TASOR2: variants seen among roughly 807,000 people sequenced by gnomAD.
TASOR2 encodes the protein transcription activation suppressor family member 2.
Under a neutral mutation model 199.5 loss-of-function variants are expected in TASOR2, and 84 were observed. The observed-to-expected ratio is 0.42, with a 90% CI of 0.35 to 0.50. The LOEUF (loss-of-function observed/expected upper bound fraction) is 0.50. TASOR2 is among the 20% of genes least tolerant of loss of function. The pLI, the probability that TASOR2 is intolerant of heterozygous loss-of-function variation, is 0.02. For missense variants in TASOR2, 2,796 were observed against 2,835.9 expected, an observed-to-expected ratio of 0.99 and a Z score of 0.32; for synonymous variants, 1,103 against 1,046.6, an observed-to-expected ratio of 1.05 and a Z score of -1.04.
At position 5,740,034 on chromosome 10, in the gene TASOR2, C is replaced by G; in HGVS notation, c.1864C>G (p.Pro622Ala). 2 of 1,614,066 alleles carry G rather than the reference C, an allele frequency of 1.2e-6. No individual in the cohort carries two copies. The highest frequency in any genetic ancestry group is 1.7e-6 in the Non-Finnish European group (2 of 1,180,048). Residue 622 changes from proline (P) to alanine (A), a missense_variant, in exon 13 of 21, where the codon CCT becomes GCT. Physicochemically the swap from Pro to Ala is conservative, Grantham distance 27. This residue lies in a region of TASOR2 where 847 missense variants were observed against 887.4 expected (regional missense o/e 0.95). Coordinates refer to ENST00000328090, the Ensembl canonical transcript of TASOR2. The surrounding 1 kb of genome is among the most constrained non-coding windows in gnomAD (Gnocchi z 5.3). The stretch of plus-strand genomic sequence containing the variant: ...TAGCCAAGATGAAGAAAGCTTGGTT[C>G]CTTGTAGTCAGGCCCCTGCTAAAGC...
At chr10:5,761,672 TGTAA>T (rs998410538) in intron 19 of TASOR2, 1 of 571,456 alleles carries the variant, frequency 1.7e-6, no homozygotes, top group Non-Finnish European at 3.1e-6. Context: ...CTCCTATGTA[TGTAA>T]GTCAGTTCTA....
At chr10:5,734,503 G>C (rs1835280531) in intron 11 of TASOR2, among the ~76,000 whole-genome samples, 1 of 152,160 alleles carries the variant, frequency 6.6e-6, no homozygotes, top group African/African-American at 2.4e-5. Flanking sequence ...TTAAAATTTA[G>C]ATGTTTACAA....
At chr10:5,743,076 C>T (rs971146924) in intron 14 of TASOR2, among the ~76,000 whole-genome samples, 6 of 152,176 alleles carry the variant, frequency 3.9e-5, no homozygotes, top group Non-Finnish European at 8.8e-5. Flanking sequence ...TGACATTCAA[C>T]CAGGCCAGAT....
intron 1 of TASOR2, among the ~76,000 whole-genome samples, chr10:5,694,213 G>A (rs1836858739): frequency 6.6e-6 from 1 of 152,206 alleles, no homozygotes; most frequent in Admixed American, 6.5e-5. Context: ...GAAAAGTAGA[G>A]CAAGATGAGG....
In TASOR2 at chr10:5,748,517, C is replaced by T. The variant is rs1046458884; in HGVS notation, c.5096C>T (p.Pro1699Leu). ...GCCAGTTTGCTTAAGAATGGTGAGC[C>T]TGAAGCTGAGTTACATAAAGAAACC... is the stretch of plus-strand genomic sequence containing the variant. The change falls in exon 15 of 21, where the codon CCT becomes CTT. Residue 1699 changes from proline (P) to leucine (L), a missense_variant. Transcript: ENST00000328090. This position sits in a 1 kb window ranked among gnomAD's most constrained non-coding sequence, Gnocchi z 5.1. 1.2e-6 allele frequency: 2 copies of T among 1,613,728 alleles called. No homozygotes were observed. Among genetic ancestry groups the T allele is most frequent in the African/African-American group, 1.3e-5 (1 of 75,070 alleles).
At chr10:5,695,252 A>G (rs1238158354) in intron 1 of TASOR2, among the ~76,000 whole-genome samples, 1 of 152,218 alleles carries the variant, frequency 6.6e-6, no homozygotes, top group African/African-American at 2.4e-5. Context: ...CTGCCGTGAT[A>G]TTGCTTGGCT....
intron 10 of TASOR2, among the ~76,000 whole-genome samples, chr10:5,728,919 A>AT (rs754859029): frequency 0.024 from 3,574 of 150,498 alleles, 126 homozygotes; most frequent in African/African-American, 0.071. Context: ...ATTTTATTTT[A>AT]TTTTTGTTTT....
chr10:5,756,679 G>A, exon 16 of TASOR2: 1 of 1,613,580 alleles, frequency 6.2e-7, no homozygotes. Flanking sequence ...TTTCCACAGA[G>A]AGAATGATAC....
chr10:5,763,734 A>C (rs755657602), exon 21 of TASOR2: 8 of 152,238 alleles, frequency 5.3e-5, no homozygotes, highest in Non-Finnish European at 7.3e-5. Flanking sequence ...AAGACAACTA[A>C]AAATAATCTC....
Position 5,740,431 on chromosome 10 carries a change from CATT to C in TASOR2, c.2262_2264del (p.Phe755del), listed in dbSNP as rs1286257733. The C allele has an allele frequency of 1.9e-6, 3 of 1,613,880 alleles. No homozygotes were observed. On this transcript the variant is annotated inframe_deletion, in exon 13 of 21. Coordinates refer to ENST00000328090, the Ensembl canonical transcript of TASOR2. The surrounding 1 kb of genome is among the most constrained non-coding windows in gnomAD (Gnocchi z 5.3). ...ACTTTCAAATGTGAAACAGAATATG[CATT>C]CAGTTTAGACAGCAAATATACCAAC...
At position 5,728,140 on chromosome 10, in the gene TASOR2, G is replaced by C. The variant is rs150391705; in HGVS notation, c.487+1017G>C. Among the ~76,000 whole-genome samples, 1,433 of 150,968 alleles carry C rather than the reference G, an allele frequency of 9.5e-3. 38 individuals are homozygous for C. Among genetic ancestry groups the C allele is most frequent in the African/African-American group, 0.033 (1,366 of 41,028 alleles). On this transcript the variant is annotated intron_variant, in intron 10 of 20. Coordinates refer to ENST00000328090, the Ensembl canonical transcript of TASOR2. ...GGAGGCTCAGGTGGGAGGATCGCTT[G>C]AGCCCGAGACGTGGAGGTTGCAGCG...
In TASOR2 at chr10:5,747,537, T is replaced by C. The variant is rs745454149; in HGVS notation, c.4116T>C (p.Ser1372=). 3.1e-6 allele frequency: 5 copies of C among 1,614,158 alleles called. No homozygotes were observed. In the South Asian group the frequency reaches 5.5e-5, roughly 18 times the overall value. Residue 1372 remains serine (S), a synonymous_variant, in exon 15 of 21, where the codon TCT becomes TCC. Coordinates refer to ENST00000328090, the Ensembl canonical transcript of TASOR2. ...TACAACCAGTTACTTTAATACTTTCTAAAGAAAATTGCACCCTTGAGATTG... is the reference window on the plus strand; with the variant it reads ...TACAACCAGTTACTTTAATACTTTCCAAAGAAAATTGCACCCTTGAGATTG...
intron 14 of TASOR2, among the ~76,000 whole-genome samples, chr10:5,743,524 C>T (rs540802127): frequency 1.3e-5 from 2 of 152,230 alleles, no homozygotes; most frequent in East Asian, 3.9e-4. Context: ...AGAAAATTGT[C>T]AAGCCAAGAT....
chr10:5,716,412 C>G (rs1241081627), intron 2 of TASOR2, among the ~76,000 whole-genome samples: 1 of 152,020 alleles, frequency 6.6e-6, no homozygotes, highest in Non-Finnish European at 1.5e-5. Flanking sequence ...CATATGATAA[C>G]TATAAAACAA....
At chr10:5,746,917 A>G in exon 15 of TASOR2, 1 of 1,614,228 alleles carries the variant, frequency 6.2e-7, no homozygotes, top group Non-Finnish European at 8.5e-7. Flanking sequence ...ATCATTAGCT[A>G]AAAGTTCTAG....
chr10:5,735,211 C>T (rs1257188891), intron 11 of TASOR2, 93 bp from the exon 13 acceptor site: 53 of 1,481,058 alleles, frequency 3.6e-5, no homozygotes, highest in Non-Finnish European at 4.4e-5. Context: ...TTACTGTCCC[C>T]AAAATAAAAA....
chr10:5,716,080 C>T (rs1416394092), intron 2 of TASOR2, among the ~76,000 whole-genome samples: 1 of 152,218 alleles, frequency 6.6e-6, no homozygotes, highest in African/African-American at 2.4e-5. Flanking sequence ...GTACGGAATA[C>T]TTCAGGCAGT....
At chr10:5,732,438 A>G (rs1215222256) in intron 11 of TASOR2, among the ~76,000 whole-genome samples, 1 of 152,272 alleles carries the variant, frequency 6.6e-6, no homozygotes, top group African/African-American at 2.4e-5. Flanking sequence ...AAGTTTGCCA[A>G]GCCAATCTGT....
At chr10:5,734,045 T>C (rs917140611) in intron 11 of TASOR2, among the ~76,000 whole-genome samples, 1 of 152,236 alleles carries the variant, frequency 6.6e-6, no homozygotes, top group African/African-American at 2.4e-5. Flanking sequence ...ACTGATCAGT[T>C]TCTTAAACTG....
Sources: gnomAD v4.1 joint callset for allele counts (sites outside exome capture counted in the v4.1 genomes callset) on GRCh38, gnomAD v4.1.1 for gene constraint, gnomAD v4.1.1 regional missense constraint, Gnocchi (gnomAD v3.1) non-coding constraint, MANE v1.5 for transcripts, NCBI Gene and HGNC (gene_info 2026-07-23, HGNC 2026-07-21) for gene names.